TMTC1: variants seen among roughly 807,000 people sequenced by gnomAD.
TMTC1 encodes protein O-mannosyl-transferase TMTC1.
TMTC1 carries 73 observed loss-of-function variants against 104.8 expected under a neutral mutation model. That is an observed-to-expected ratio of 0.70 (90% CI 0.58 to 0.85). TMTC1 has a LOEUF of 0.85. TMTC1 is among the 40% of genes least tolerant of loss of function. The pLI, the probability that TMTC1 is intolerant of heterozygous loss-of-function variation, is 0.00. For synonymous variants in TMTC1, 434 were observed against 428.7 expected (o/e 1.01, Z -0.15); for missense variants, 1,035 against 1,096.1 (o/e 0.94, Z 0.79).
chr12:29,680,420 G>C (rs560751907), intron 5 of TMTC1, among the ~76,000 whole-genome samples: 1 of 152,220 alleles, frequency 6.6e-6, no homozygotes, highest in African/African-American at 2.4e-5. Context: ...AATAAGATGA[G>C]GCTGGGTGTG....
intron 5 of TMTC1, among the ~76,000 whole-genome samples, chr12:29,677,842 A>G (rs1940784202): frequency 6.6e-6 from 1 of 152,254 alleles, no homozygotes. Context: ...CACATGCAAA[A>G]GCAGCGATGC....
intron 5 of TMTC1, among the ~76,000 whole-genome samples, chr12:29,689,239 G>A (rs1021929436): frequency 5.3e-5 from 8 of 151,668 alleles, no homozygotes. Flanking sequence ...AGAAAAATAA[G>A]CCATTTTGCT....
chr12:29,673,654 GA>G (rs1183426637), intron 5 of TMTC1, among the ~76,000 whole-genome samples: 6 of 145,272 alleles, frequency 4.1e-5, no homozygotes, highest in Non-Finnish European at 9.0e-5. Flanking sequence ...CGTTTCCAAA[GA>G]AAAAAATTGA....
chr12:29,645,801 C>T (rs1228587919), intron 5 of TMTC1, among the ~76,000 whole-genome samples: 1 of 152,180 alleles, frequency 6.6e-6, no homozygotes, highest in Non-Finnish European at 1.5e-5. Flanking sequence ...TACAAGAATC[C>T]TGTTGGTCTA....
intron 5 of TMTC1, among the ~76,000 whole-genome samples, chr12:29,708,799 A>G (rs1941821592): frequency 6.6e-6 from 1 of 152,216 alleles, no homozygotes; most frequent in Admixed American, 6.5e-5. Context: ...AATAGGAGAT[A>G]GAGCCTCTGC....
chr12:29,665,838 T>C (rs550933777), intron 5 of TMTC1, among the ~76,000 whole-genome samples: 1 of 152,326 alleles, frequency 6.6e-6, no homozygotes, highest in South Asian at 2.1e-4. Context: ...AGGAGATGTC[T>C]CATCACCCTG....
rs957128440 is a variant in TMTC1, at chr12:29,628,553, T to C, written c.1128+4594A>G. 1.3e-5 allele frequency among the ~76,000 whole-genome samples: 2 copies of C among 152,248 alleles called. 1 individual carries two copies. Among genetic ancestry groups the C allele is most frequent in the South Asian group, 4.1e-4 (2 of 4,832 alleles). On this transcript the variant is annotated intron_variant, in intron 6 of 17. Coordinates refer to ENST00000539277, the MANE Select transcript of TMTC1 (RefSeq NM_001193451.2). Reference sequence around the variant, plus strand: ...AGCATTAACGTCAACACAGACTTTATAAGAAACATTTACAGTCTATTCTCT... The same window carrying C: ...AGCATTAACGTCAACACAGACTTTACAAGAAACATTTACAGTCTATTCTCT...
At chr12:29,643,907 TTATATATAAA>T (rs1939102969) in intron 5 of TMTC1, among the ~76,000 whole-genome samples, 1 of 106,380 alleles carries the variant, frequency 9.4e-6, no homozygotes, top group Non-Finnish European at 1.7e-5. Context: ...AAATATAAAA[TTATATATAAA>T]TATATATAAA....
At chr12:29,604,434 C>T (rs1471997047) in intron 6 of TMTC1, 135 bp from the exon 7 acceptor site, 12 of 1,221,612 alleles carry the variant, frequency 9.8e-6, no homozygotes, top group South Asian at 3.0e-5. Flanking sequence ...TTTTGACCGG[C>T]GTGCTGAATT....
At position 29,783,546 on chromosome 12, in the gene TMTC1, A is replaced by T. The variant is rs760382404; in HGVS notation, c.206T>A (p.Leu69His). The change falls in exon 1 of 18, where the codon CTC (leucine) becomes CAC (histidine). Residue 69 changes from leucine to histidine, a missense_variant. Leu to His is a moderately conservative substitution (Grantham distance 99, BLOSUM62 -3). Transcript: ENST00000539277. This position sits in a 1 kb window ranked among gnomAD's most constrained non-coding sequence, Gnocchi z 4.7. ...NNPDVRPGAP[L>H]RWGIFTNDFW... ...GTCGTTGGTGAAGATGCCCCAGCGG[A>T]GCGGGGCGCCGGGCCGCACGTCGGG... The T allele has an allele frequency of 6.5e-5, 96 of 1,473,996 alleles. 3 individuals are homozygous for T. The South Asian group carries it at 1.2e-3, about 19-fold the overall frequency. 91.3% of individuals were successfully genotyped at this position (1,473,996 alleles called of 1,614,324 possible).
intron 5 of TMTC1, among the ~76,000 whole-genome samples, chr12:29,646,781 C>G (rs1251364366): frequency 2.0e-5 from 3 of 152,174 alleles, no homozygotes; most frequent in Non-Finnish European, 4.4e-5. Context: ...GCAGAGAACT[C>G]TTCAGCTACC....
intron 5 of TMTC1, among the ~76,000 whole-genome samples, chr12:29,730,448 C>T (rs1330300509): frequency 5.3e-5 from 8 of 152,174 alleles, no homozygotes; most frequent in Non-Finnish European, 1.0e-4. Flanking sequence ...TCTTTCCACA[C>T]CTGCTTGAAA....
At chr12:29,717,558 A>G (rs1293327212) in intron 5 of TMTC1, among the ~76,000 whole-genome samples, 2 of 152,240 alleles carry the variant, frequency 1.3e-5, no homozygotes, top group African/African-American at 4.8e-5. Flanking sequence ...AGTTTCACAA[A>G]CCTGTGTTCC....
intron 5 of TMTC1, among the ~76,000 whole-genome samples, chr12:29,664,120 G>C (rs1940170066): frequency 6.7e-6 from 1 of 150,228 alleles, no homozygotes; most frequent in Non-Finnish European, 1.5e-5. Flanking sequence ...CCGGGAGGCG[G>C]AGCTTGCAGT....
chr12:29,633,829 C>A (rs935058425), intron 5 of TMTC1, among the ~76,000 whole-genome samples: 2 of 152,182 alleles, frequency 1.3e-5, no homozygotes, highest in Non-Finnish European at 2.9e-5. Flanking sequence ...TCCTTGCTGA[C>A]AAGGACAGCC....
intron 5 of TMTC1, among the ~76,000 whole-genome samples, chr12:29,644,918 C>A (rs1442474184): frequency 6.6e-6 from 1 of 152,170 alleles, no homozygotes; most frequent in African/African-American, 2.4e-5. Context: ...GCAGACACCA[C>A]TCATTGTGAC....
intron 5 of TMTC1, among the ~76,000 whole-genome samples, chr12:29,675,122 C>G (rs1216860724): frequency 6.6e-6 from 1 of 152,110 alleles, no homozygotes; most frequent in Non-Finnish European, 1.5e-5. Flanking sequence ...CTTGCAGATT[C>G]AGCATGGTAC....
At chr12:29,664,733 T>C (rs1940208180) in intron 5 of TMTC1, among the ~76,000 whole-genome samples, 2 of 152,208 alleles carry the variant, frequency 1.3e-5, no homozygotes, top group Non-Finnish European at 2.9e-5. Context: ...AAATAATACT[T>C]AACTATGACA....
intron 11 of TMTC1, chr12:29,529,984 C>T (rs1361169701): frequency 6.6e-6 from 1 of 152,118 alleles, no homozygotes; most frequent in Non-Finnish European, 1.5e-5. Context: ...AAGTGAGCAA[C>T]TACAGATAAT....
Sources: gnomAD v4.1 joint callset for allele counts (sites outside exome capture counted in the v4.1 genomes callset) on GRCh38, gnomAD v4.1.1 for gene constraint, Gnocchi (gnomAD v3.1) non-coding constraint, MANE v1.5 for transcripts, NCBI Gene and HGNC (gene_info 2026-07-23, HGNC 2026-07-21) for gene names.